The following PCDH15 variants were observed in gnomAD, a reference collection of about 807,000 sequenced individuals.
PCDH15 encodes protocadherin related 15, also known as protocadherin-15.
In PCDH15, 129 loss-of-function variants were observed where a neutral mutation model predicts 178.5. The observed-to-expected ratio is 0.72, with a 90% CI of 0.63 to 0.84. The LOEUF is 0.84. Ranked by LOEUF, PCDH15 falls within the 40% of genes least tolerant of loss-of-function variation. The pLI, the probability that PCDH15 is intolerant of heterozygous loss-of-function variation, is 0.00. For missense variants in PCDH15, 2,230 were observed against 2,099.9 expected (o/e 1.06, Z -1.21); for synonymous variants, 800 against 732.0 (o/e 1.09, Z -1.50).
At position 53,961,882 on chromosome 10, in the gene PCDH15, G is replaced by T. The variant is rs766650028; in HGVS notation, c.2879C>A (p.Ala960Glu). Residue 960 changes from alanine to glutamate, a missense_variant, in exon 22 of 38, where the codon GCA becomes GAA. Physicochemically the swap from Ala to Glu is moderately radical, Grantham distance 107 (BLOSUM62 -1). Transcript: ENST00000644397. ...ATCTACTCTATACCTCACACGACTT[G>T]CAGGTAATCCCTAAAATAAAATTAT... Reference protein sequence around the residue: ...AEDADPPGLPASRVRYRVDDV... With the variant: ...AEDADPPGLPESRVRYRVDDV... 1 of 1,607,868 alleles carries T rather than the reference G, an allele frequency of 6.2e-7. No homozygotes were observed. Among genetic ancestry groups the T allele is most frequent in the African/African-American group, 1.3e-5 (1 of 74,872 alleles).
chr10:55,452,518 A>T (rs1331377049), intron 2 of PCDH15, among the ~76,000 whole-genome samples: 1 of 152,186 alleles, frequency 6.6e-6, no homozygotes, highest in Non-Finnish European at 1.5e-5. Context: ...CTAAGCCCAC[A>T]ATAGAAATAG....
chr10:54,072,647 GA>G (rs1474956206), intron 17 of PCDH15, among the ~76,000 whole-genome samples: 2 of 152,160 alleles, frequency 1.3e-5, no homozygotes, highest in Non-Finnish European at 2.9e-5. Context: ...CATTTTGGAA[GA>G]AGGGGGAAAT....
chr10:54,529,730 C>T (rs182545100), intron 2 of PCDH15, among the ~76,000 whole-genome samples: 16 of 152,090 alleles, frequency 1.1e-4, no homozygotes, highest in African/African-American at 1.7e-4. Context: ...GCACCTAGTG[C>T]GAATTAATTT....
At chr10:54,729,954 T>G (rs1039318362) in intron 1 of PCDH15, among the ~76,000 whole-genome samples, 1 of 151,334 alleles carries the variant, frequency 6.6e-6, no homozygotes, top group African/African-American at 2.4e-5. Context: ...CTGGTAGGAG[T>G]GCAAATTTGT....
intron 21 of PCDH15, among the ~76,000 whole-genome samples, chr10:53,993,212 A>G (rs16937855): frequency 1.3e-5 from 2 of 152,150 alleles, no homozygotes; most frequent in African/African-American, 4.8e-5. Flanking sequence ...TCTTGGAGAT[A>G]TTAAGAATTT....
intron 2 of PCDH15, among the ~76,000 whole-genome samples, chr10:55,163,399 C>T (rs1456978902): frequency 2.0e-5 from 3 of 152,052 alleles, no homozygotes. Context: ...TATATAAAGA[C>T]CCACAGCCTC....
At chr10:54,896,636 G>C (rs933611537) in intron 3 of PCDH15, among the ~76,000 whole-genome samples, 3 of 151,874 alleles carry the variant, frequency 2.0e-5, no homozygotes, top group African/African-American at 7.3e-5. Flanking sequence ...TAAAATCCAG[G>C]GCCTTGAAGA....
At chr10:54,519,146 T>C (rs569231713) in intron 3 of PCDH15, among the ~76,000 whole-genome samples, 2 of 152,086 alleles carry the variant, frequency 1.3e-5, no homozygotes, top group Admixed American at 6.6e-5. Context: ...CTTTGAAAAC[T>C]GGCACAAGAC....
intron 18 of PCDH15, among the ~76,000 whole-genome samples, chr10:54,063,179 A>G (rs1243089707): frequency 6.6e-6 from 1 of 152,226 alleles, no homozygotes; most frequent in African/African-American, 2.4e-5. Context: ...TACAAATCAG[A>G]TGTTGCCATA....
intron 1 of PCDH15, among the ~76,000 whole-genome samples, chr10:55,235,701 G>T (rs1044969921): frequency 1.3e-5 from 2 of 151,928 alleles, no homozygotes; most frequent in African/African-American, 4.8e-5. Context: ...GAGGTCAAAA[G>T]TTCCAGACCA....
chr10:55,624,412 G>A (rs950861125), intron 2 of PCDH15, among the ~76,000 whole-genome samples: 16 of 150,136 alleles, frequency 1.1e-4, no homozygotes, highest in Non-Finnish European at 1.5e-4. Context: ...TTTTAATTTC[G>A]ACATGTAGAT....
chr10:54,436,024 GAGGAGAGGAGAGAGA>G, intron 3 of PCDH15, among the ~76,000 whole-genome samples: 1 of 49,242 alleles, frequency 2.0e-5, no homozygotes. Context: ...GAGGAGAGGA[GAGGAGAGGAGAGAGA>G]GAGAGAGAGA....
chr10:55,291,246 C>A (rs1405594421), intron 1 of PCDH15, among the ~76,000 whole-genome samples: 1 of 152,090 alleles, frequency 6.6e-6, no homozygotes, highest in Non-Finnish European at 1.5e-5. Context: ...AAGCGTTAAG[C>A]AACACAAGAC....
At chr10:54,561,980 C>CT (rs575547228) in intron 2 of PCDH15, among the ~76,000 whole-genome samples, 9,998 of 74,312 alleles carry the variant, frequency 0.13, 1,080 homozygotes, top group Non-Finnish European at 0.16. Flanking sequence ...CCGCACCCAG[C>CT]TTTTTTTTTT....
In PCDH15 at chr10:54,378,928, C is replaced by A. The variant is rs1948832552; in HGVS notation, c.172G>T (p.Asp58Tyr). The A allele has an allele frequency of 1.2e-6, 2 of 1,613,564 alleles. No individual in the cohort carries two copies. Among genetic ancestry groups the A allele is most frequent in the Non-Finnish European group, 1.7e-6 (2 of 1,179,764 alleles). The change falls in exon 4 of 38, where the codon GAC (aspartate) becomes TAC (tyrosine). Residue 58 changes from aspartate (D) to tyrosine (Y), a missense_variant. Asp to Tyr is a radical substitution (Grantham distance 160). Coordinates refer to ENST00000644397, the MANE Select transcript of PCDH15 (RefSeq NM_001384140.1). Reference sequence around the variant, plus strand: ...GCAGTCCCTTTGATCAGCATGTTGTCCACCAGAATTGTACCTGCAAACCAA... The same window carrying A: ...GCAGTCCCTTTGATCAGCATGTTGTACACCAGAATTGTACCTGCAAACCAA... ...EESRNGTILV[D>Y]NMLIKGTAGG...
intron 29 of PCDH15, among the ~76,000 whole-genome samples, chr10:53,834,062 C>T (rs536041536): frequency 6.6e-6 from 1 of 152,248 alleles, no homozygotes; most frequent in South Asian, 2.1e-4. Context: ...CTCTCTGTCT[C>T]TGTCAATATC....
At chr10:54,587,319 C>T (rs974228790) in intron 2 of PCDH15, among the ~76,000 whole-genome samples, 10 of 151,666 alleles carry the variant, frequency 6.6e-5, no homozygotes, top group African/African-American at 2.4e-4. Context: ...GATAAAAGTA[C>T]AACATAAAGT....
At chr10:53,808,329 T>C in intron 37 of PCDH15, 1 of 382,120 alleles carries the variant, frequency 2.6e-6, no homozygotes, top group South Asian at 1.2e-4. Flanking sequence ...AGTGTGTGTG[T>C]GTATATATAT....
intron 21 of PCDH15, among the ~76,000 whole-genome samples, chr10:53,971,079 C>T (rs771706896): frequency 1.3e-5 from 2 of 152,144 alleles, no homozygotes; most frequent in Non-Finnish European, 2.9e-5. Flanking sequence ...CATCAAGAAG[C>T]TTATCCACCA....
Sources: allele counts gnomAD v4.1 joint callset (sites outside exome capture counted in the v4.1 genomes callset), GRCh38; gene constraint gnomAD v4.1.1; transcripts MANE v1.5; gene names NCBI Gene and HGNC (gene_info 2026-07-23, HGNC 2026-07-21).